Variants in ATP6V1B2 observed in about 807,000 individuals in gnomAD.
ATP6V1B2 encodes the protein V-type proton ATPase subunit B, brain isoform.
ATP6V1B2 carries 23 observed loss-of-function variants against 66.7 expected under a neutral mutation model. The ratio of observed to expected loss-of-function variants is 0.34; its 90% confidence interval spans 0.25 to 0.49. The LOEUF is 0.49. Among genes scored for constraint, ATP6V1B2 ranks in the 20% least tolerant of loss-of-function variants. ATP6V1B2 has a pLI of 0.99. For synonymous variants in ATP6V1B2, 278 were observed against 236.7 expected, an observed-to-expected ratio of 1.17 and a Z score of -1.60; for missense variants, 478 against 650.8, an observed-to-expected ratio of 0.73 and a Z score of 2.89.
At chr8:20,209,610 T>C in intron 3 of ATP6V1B2, 79 bp downstream of exon 3, 1 of 1,315,600 alleles carries the variant, frequency 7.6e-7, no homozygotes, top group East Asian at 2.3e-5. Flanking sequence ...TCTGTGATGA[T>C]CATTGCATAA....
At chr8:20,211,137 C>T (rs369992802) in intron 5 of ATP6V1B2, 40 bp from the exon 6 acceptor site, 18 of 1,589,600 alleles carry the variant, frequency 1.1e-5, no homozygotes, top group Middle Eastern at 1.7e-4. Context: ...ATGAATAATG[C>T]GGCAACTTGT....
Position 20,220,389 on chromosome 8 carries a change from C to CT in ATP6V1B2, c.1524dup (p.Ala509CysfsTer42). On this transcript the variant is annotated frameshift_variant, in exon 14 of 14. Coordinates refer to ENST00000276390, the MANE Select transcript of ATP6V1B2 (RefSeq NM_001693.4). LOFTEE classifies it high-confidence loss of function. ...CTCAGCGAATTTTACCCTCGAGACTCTGCAAAGCATTAGCTGCTGCTTCTG... is the reference window on the plus strand; with the variant it reads ...CTCAGCGAATTTTACCCTCGAGACTCTTGCAAAGCATTAGCTGCTGCTTCTG... The CT allele has an allele frequency of 6.3e-7, 1 of 1,578,190 alleles. No homozygotes were observed.
chr8:20,216,887 A>G (rs1481768351), intron 11 of ATP6V1B2: 4 of 262,448 alleles, frequency 1.5e-5, no homozygotes, highest in Admixed American at 4.8e-5. Flanking sequence ...TTTTGTGTAT[A>G]ATTTTTTGAG....
At chr8:20,217,137 G>T in intron 11 of ATP6V1B2, 83 bp from the exon 12 acceptor site, 1 of 1,115,778 alleles carries the variant, frequency 9.0e-7, no homozygotes, top group South Asian at 1.3e-5. Context: ...TTGTAATAAT[G>T]AGTTTCAAAT....
intron 6 of ATP6V1B2, 114 bp downstream of exon 6, chr8:20,211,430 G>C: frequency 7.0e-7 from 1 of 1,430,662 alleles, no homozygotes; most frequent in South Asian, 1.4e-5. Flanking sequence ...CAGTGTTATT[G>C]TTTGTATAAT....
chr8:20,215,929 T>C (rs1284793297), intron 10 of ATP6V1B2: 3 of 153,352 alleles, frequency 2.0e-5, no homozygotes, highest in Non-Finnish European at 4.4e-5. Context: ...ATGTTCTTAG[T>C]ATACATCAGG....
At position 20,212,912 on chromosome 8, in the gene ATP6V1B2, TG is replaced by T; in HGVS notation, c.927+8del. 1 of 1,613,230 alleles carries T rather than the reference TG, an allele frequency of 6.2e-7. No homozygotes were observed. The highest frequency in any genetic ancestry group is 8.5e-7 in the Non-Finnish European group (1 of 1,179,546). ...TGCTGAAGCACTTCGAGAGGTAAGT[TG>T]TTCATGTTTTTCCCTCAGTTAAACA... On this transcript the variant is annotated splice_region_variant and intron_variant, in intron 9 of 13. Coordinates refer to ENST00000276390, the MANE Select transcript of ATP6V1B2 (RefSeq NM_001693.4).
intron 2 of ATP6V1B2, among the ~76,000 whole-genome samples, chr8:20,208,422 T>G (rs569494811): frequency 6.6e-6 from 1 of 152,364 alleles, no homozygotes; most frequent in East Asian, 1.9e-4. Context: ...GGCAGGTTTC[T>G]CTTTTCACAT....
rs2072809303 is a variant in ATP6V1B2 at position 20,212,822 on chromosome 8, G to A, written c.844G>A (p.Ala282Thr). The A allele has an allele frequency of 2.5e-6, 4 of 1,613,818 alleles. No individual in the cohort carries two copies. The highest frequency in any genetic ancestry group is 3.4e-6 in the Non-Finnish European group (4 of 1,179,800). ...IITPRLALTT[A>T]EFLAYQCEKH... ...CACTCCTCGCCTGGCTCTAACCACA[G>A]CTGAATTTCTGGCGTACCAATGTGA... Residue 282 changes from alanine to threonine, a missense_variant, in exon 9 of 14, where the codon GCT (alanine) becomes ACT (threonine). Transcript: ENST00000276390.
Position 20,220,558 on chromosome 8 carries a change from C to T in ATP6V1B2, c.*156C>T, listed in dbSNP as rs540565871. On this transcript the variant is annotated 3_prime_UTR_variant, in exon 14 of 14. Coordinates refer to ENST00000276390, the MANE Select transcript of ATP6V1B2 (RefSeq NM_001693.4). ...GTAACATATTGTGCCAGTGTTGCAA[C>T]GTTTTAAACTGCTAACAGACCTTAA... 4.4e-4 allele frequency: 478 copies of T among 1,080,802 alleles called. No individual in the cohort carries two copies. The highest frequency in any genetic ancestry group is 5.5e-4 in the Non-Finnish European group (444 of 803,074). 67.0% of individuals were successfully genotyped at this position (1,080,802 alleles called of 1,614,324 possible).
chr8:20,200,683 T>C (rs2072677140), intron 1 of ATP6V1B2, among the ~76,000 whole-genome samples: 1 of 152,214 alleles, frequency 6.6e-6, no homozygotes, highest in Admixed American at 6.5e-5. Context: ...GTGCTATGTA[T>C]TTTGAATTTG....
At chr8:20,200,794 C>T (rs1043577197) in intron 1 of ATP6V1B2, among the ~76,000 whole-genome samples, 2 of 152,132 alleles carry the variant, frequency 1.3e-5, no homozygotes, top group Admixed American at 6.5e-5. Context: ...GGAATCTTCT[C>T]CTTGCTTTTT....
chr8:20,216,942 T>A (rs894535724), intron 11 of ATP6V1B2: 1 of 377,406 alleles, frequency 2.6e-6, no homozygotes, highest in East Asian at 4.6e-5. Flanking sequence ...GTAGTACTTA[T>A]CAAACAGATG....
At chr8:20,216,646 C>T in intron 11 of ATP6V1B2, 151 bp downstream of exon 11, 1 of 650,022 alleles carries the variant, frequency 1.5e-6, no homozygotes, top group South Asian at 2.5e-5. Context: ...TTTCTATTAT[C>T]TTAAATTCTG....
intron 1 of ATP6V1B2, among the ~76,000 whole-genome samples, chr8:20,200,303 CT>C (rs2072672639): frequency 6.6e-6 from 1 of 152,138 alleles, no homozygotes; most frequent in Non-Finnish European, 1.5e-5. Context: ...CAGGTGTGAG[CT>C]GCTGTGCCCA....
intron 2 of ATP6V1B2, among the ~76,000 whole-genome samples, chr8:20,205,574 T>C (rs1397244465): frequency 6.6e-6 from 1 of 152,212 alleles, no homozygotes; most frequent in Non-Finnish European, 1.5e-5. Flanking sequence ...GAGGGAAGAC[T>C]GGTAAATCAT....
chr8:20,212,679 C>T, intron 8 of ATP6V1B2, 103 bp from the exon 9 acceptor site: 1 of 1,485,622 alleles, frequency 6.7e-7, no homozygotes, highest in Non-Finnish European at 9.1e-7. Flanking sequence ...TCATTTAAAA[C>T]TTTAAAAGGG....
intron 8 of ATP6V1B2, among the ~76,000 whole-genome samples, chr8:20,212,564 C>T (rs981739336): frequency 6.6e-6 from 1 of 152,172 alleles, no homozygotes; most frequent in Non-Finnish European, 1.5e-5. Flanking sequence ...TGCCCCACCC[C>T]AGTGTTGAGA....
Position 20,209,547 on chromosome 8 carries a change from C to G in ATP6V1B2, c.291+16C>G, listed in dbSNP as rs772404111. ...AGTAGTTCAGGTAAGTTTCAGCTGG[C>G]CAGCTGAACTGTTTCCTAGTTGCCT... On this transcript the variant is annotated intron_variant, in intron 3 of 13. Transcript: ENST00000276390. The G allele has an allele frequency of 3.9e-5, 62 of 1,605,438 alleles. No individual in the cohort carries two copies. In the Admixed American group the frequency reaches 1.0e-3, roughly 26 times the overall value.
Sources: gnomAD v4.1 joint callset for allele counts (sites outside exome capture counted in the v4.1 genomes callset) on GRCh38, gnomAD v4.1.1 for gene constraint, MANE v1.5 for transcripts, NCBI Gene and HGNC (gene_info 2026-07-23, HGNC 2026-07-21) for gene names.